HCN1: variants seen among roughly 807,000 people sequenced by gnomAD.
The protein encoded by HCN1 is potassium/sodium hyperpolarization-activated cyclic nucleotide-gated channel 1.
A neutral mutation model predicts 78.9 loss-of-function variants in HCN1; 13 were observed. The ratio of observed to expected loss-of-function variants is 0.16; its 90% CI spans 0.11 to 0.26. HCN1 has a LOEUF of 0.26. Ranked by LOEUF, HCN1 falls within the 10% of genes least tolerant of loss-of-function variation. The pLI, the probability that HCN1 is intolerant of heterozygous loss-of-function variation, is 1.00. For synonymous variants in HCN1, 552 were observed against 455.5 expected (o/e 1.21, Z -2.70); for missense variants, 810 against 1,154.3 (o/e 0.70, Z 4.32).
At chr5:45,295,086 C>A (rs1425655519) in intron 6 of HCN1, among the ~76,000 whole-genome samples, 1 of 151,946 alleles carries the variant, frequency 6.6e-6, no homozygotes, top group Non-Finnish European at 1.5e-5. Context: ...TTGAGCACCC[C>A]AACACTCACC....
chr5:45,282,286 C>A (rs1340566878), intron 6 of HCN1, among the ~76,000 whole-genome samples: 1 of 152,130 alleles, frequency 6.6e-6, no homozygotes, highest in Non-Finnish European at 1.5e-5. Flanking sequence ...TTCCCAATAT[C>A]AATGTAAAAC....
intron 2 of HCN1, among the ~76,000 whole-genome samples, chr5:45,554,987 G>T (rs922956308): frequency 6.6e-6 from 1 of 151,722 alleles, no homozygotes; most frequent in African/African-American, 2.4e-5. Flanking sequence ...TGATATGGCT[G>T]CTCCAAAATC....
chr5:45,597,385 C>T lies in HCN1; in HGVS notation c.849+47800G>A, dbSNP rs562981542. On this transcript the variant is annotated intron_variant, in intron 2 of 7. Coordinates refer to ENST00000303230, the MANE Select transcript of HCN1 (RefSeq NM_021072.4). ...ATTCAACAGCCCTTCATGCTAAAAACTCTCAATAAACTAGGTATTGATAGA... is the reference window on the plus strand; with the variant it reads ...ATTCAACAGCCCTTCATGCTAAAAATTCTCAATAAACTAGGTATTGATAGA... Among the ~76,000 whole-genome samples, 259 of 152,294 alleles carry T rather than the reference C, an allele frequency of 1.7e-3. 1 individual carries two copies. Among genetic ancestry groups the T allele is most frequent in the African/African-American group, 6.0e-3 (250 of 41,556 alleles).
intron 2 of HCN1, among the ~76,000 whole-genome samples, chr5:45,505,426 A>T (rs181214427): frequency 1.7e-3 from 263 of 152,128 alleles, no homozygotes; most frequent in African/African-American, 5.7e-3. Context: ...GTGTGGTATT[A>T]TTTCTGAGGG....
intron 3 of HCN1, among the ~76,000 whole-genome samples, chr5:45,439,492 T>C (rs1740629211): frequency 6.6e-6 from 1 of 152,192 alleles, no homozygotes; most frequent in Admixed American, 6.5e-5. Context: ...AAATGAAGTG[T>C]AATGAATGAT....
chr5:45,323,898 T>C (rs1008748644), intron 5 of HCN1, among the ~76,000 whole-genome samples: 17 of 152,016 alleles, frequency 1.1e-4, no homozygotes, highest in Non-Finnish European at 2.4e-4. Flanking sequence ...AACTCATCAT[T>C]TTTATAGCTG....
intron 2 of HCN1, among the ~76,000 whole-genome samples, chr5:45,599,122 C>A (rs943383888): frequency 1.3e-5 from 2 of 151,972 alleles, no homozygotes; most frequent in Non-Finnish European, 2.9e-5. Context: ...ATGTTTATTG[C>A]GGGACTATTC....
chr5:45,586,387 G>A (rs1204801212), intron 2 of HCN1, among the ~76,000 whole-genome samples: 1 of 152,140 alleles, frequency 6.6e-6, no homozygotes, highest in Non-Finnish European at 1.5e-5. Context: ...ACAGTATTAG[G>A]GTGGAAGTGA....
At chr5:45,673,861 T>C (rs1443324854) in intron 1 of HCN1, among the ~76,000 whole-genome samples, 1 of 151,628 alleles carries the variant, frequency 6.6e-6, no homozygotes, top group African/African-American at 2.4e-5. Flanking sequence ...TGAATCATGA[T>C]TTCAAGTATG....
chr5:45,450,268 C>G (rs1287797789), intron 3 of HCN1, among the ~76,000 whole-genome samples: 1 of 152,088 alleles, frequency 6.6e-6, no homozygotes, highest in Non-Finnish European at 1.5e-5. Context: ...TAAATAAAAA[C>G]AATGAAACTG....
intron 2 of HCN1, among the ~76,000 whole-genome samples, chr5:45,608,301 G>A (rs1045510002): frequency 6.6e-6 from 1 of 151,096 alleles, no homozygotes; most frequent in Non-Finnish European, 1.5e-5. Context: ...TTTCCCTAAT[G>A]TATCAATAAA....
At chr5:45,279,858 C>T (rs1037780809) in intron 6 of HCN1, among the ~76,000 whole-genome samples, 8 of 152,062 alleles carry the variant, frequency 5.3e-5, no homozygotes, top group Admixed American at 5.2e-4. Flanking sequence ...TTAAAATTAT[C>T]AAATACTTAG....
At chr5:45,635,072 C>A (rs1050078720) in intron 2 of HCN1, among the ~76,000 whole-genome samples, 1 of 151,976 alleles carries the variant, frequency 6.6e-6, no homozygotes, top group African/African-American at 2.4e-5. Context: ...ATCTCAGCTA[C>A]GATCCAGAAT....
At chr5:45,341,867 C>T (rs923850572) in intron 5 of HCN1, among the ~76,000 whole-genome samples, 39 of 152,170 alleles carry the variant, frequency 2.6e-4, no homozygotes, top group Non-Finnish European at 8.8e-5. Flanking sequence ...TACAACACTC[C>T]CACTCACTCT....
At chr5:45,560,826 TC>T (rs1251325312) in intron 2 of HCN1, among the ~76,000 whole-genome samples, 1 of 152,098 alleles carries the variant, frequency 6.6e-6, no homozygotes, top group Non-Finnish European at 1.5e-5. Flanking sequence ...TTTCATATTT[TC>T]TTTAAAGATT....
intron 5 of HCN1, among the ~76,000 whole-genome samples, chr5:45,349,588 G>C (rs887520548): frequency 2.6e-5 from 4 of 152,088 alleles, no homozygotes; most frequent in Non-Finnish European, 5.9e-5. Flanking sequence ...TGCAGGAGCT[G>C]GTTTTTTGAA....
chr5:45,369,512 A>T (rs373810714), intron 4 of HCN1, among the ~76,000 whole-genome samples: 1 of 152,052 alleles, frequency 6.6e-6, no homozygotes, highest in Non-Finnish European at 1.5e-5. Context: ...ACTCAGCCCC[A>T]GCCTGATTGG....
intron 1 of HCN1, among the ~76,000 whole-genome samples, chr5:45,679,498 A>C (rs1739661125): frequency 6.6e-6 from 1 of 151,998 alleles, no homozygotes; most frequent in African/African-American, 2.4e-5. Context: ...AATGCTTAAA[A>C]TCTCTACTTA....
At chr5:45,455,361 T>G (rs1299478785) in intron 3 of HCN1, among the ~76,000 whole-genome samples, 1 of 152,046 alleles carries the variant, frequency 6.6e-6, no homozygotes. Flanking sequence ...ATGTATTCAT[T>G]GTTGAGCTTA....
Sources: gnomAD v4.1 joint callset for allele counts (sites outside exome capture counted in the v4.1 genomes callset) on GRCh38, gnomAD v4.1.1 for gene constraint, MANE v1.5 for transcripts, NCBI Gene and HGNC (gene_info 2026-07-23, HGNC 2026-07-21) for gene names.